The following SEC24D variants were observed in gnomAD, a reference collection of about 807,000 sequenced individuals.
SEC24D encodes the protein SEC24 homolog D, COPII component, also known as protein transport protein Sec24D.
A neutral mutation model predicts 116.9 loss-of-function variants in SEC24D; 69 were observed. That is an observed-to-expected ratio of 0.59 (90% CI 0.49 to 0.72). SEC24D has a LOEUF of 0.72. Ranked by LOEUF, SEC24D falls within the 30% of genes least tolerant of loss-of-function variation. SEC24D has a pLI of 0.00. For missense variants in SEC24D, 1,131 were observed against 1,264.1 expected, an observed-to-expected ratio of 0.89 and a Z score of 1.60; for synonymous variants, 405 against 442.8, an observed-to-expected ratio of 0.91 and a Z score of 1.07.
intron 22 of SEC24D, among the ~76,000 whole-genome samples, chr4:118,728,162 T>C (rs534290676): frequency 6.6e-6 from 1 of 152,314 alleles, no homozygotes; most frequent in East Asian, 1.9e-4. Flanking sequence ...AGGACAAGAA[T>C]AACAAAACTT....
At chr4:118,746,410 C>G (rs1726538680) in intron 13 of SEC24D, among the ~76,000 whole-genome samples, 1 of 152,022 alleles carries the variant, frequency 6.6e-6, no homozygotes, top group Admixed American at 6.6e-5. Context: ...CACTCACAAC[C>G]TTGTTCAGCA....
At chr4:118,750,979 T>C (rs1194251937) in intron 13 of SEC24D, among the ~76,000 whole-genome samples, 17 of 152,068 alleles carry the variant, frequency 1.1e-4, no homozygotes, top group Non-Finnish European at 1.3e-4. Context: ...TAAAATTATG[T>C]GGGAAGTGTC....
chr4:118,823,747 C>G (rs1176239590), intron 3 of SEC24D, among the ~76,000 whole-genome samples: 1 of 152,210 alleles, frequency 6.6e-6, no homozygotes, highest in Non-Finnish European at 1.5e-5. Flanking sequence ...TTCTCCAGGC[C>G]TGCTTCCAAC....
At chr4:118,724,276 A>T (rs1168400954) in intron 22 of SEC24D, among the ~76,000 whole-genome samples, 1 of 152,120 alleles carries the variant, frequency 6.6e-6, no homozygotes, top group Admixed American at 6.5e-5. Context: ...AGAGGTTAAC[A>T]CACAGGGAAA....
intron 8 of SEC24D, among the ~76,000 whole-genome samples, chr4:118,777,498 T>C (rs1001578317): frequency 3.9e-5 from 6 of 152,240 alleles, no homozygotes; most frequent in Admixed American, 1.3e-4. Flanking sequence ...ACTTTCTTAA[T>C]CCAGTCTATC....
At chr4:118,808,331 A>G (rs1324102241) in intron 6 of SEC24D, among the ~76,000 whole-genome samples, 1 of 152,216 alleles carries the variant, frequency 6.6e-6, no homozygotes, top group East Asian at 1.9e-4. Flanking sequence ...TATGAAAGTG[A>G]GGTAAAAGCC....
At chr4:118,746,515 T>C (rs1726544568) in intron 13 of SEC24D, among the ~76,000 whole-genome samples, 1 of 152,044 alleles carries the variant, frequency 6.6e-6, no homozygotes, top group Non-Finnish European at 1.5e-5. Context: ...CAAAGGCCCT[T>C]TGAAGTTGAG....
chr4:118,832,749 A>ACAT lies in SEC24D; in HGVS notation c.118+827_118+829dup, dbSNP rs572051939. Among the ~76,000 whole-genome samples the ACAT allele has an allele frequency of 3.5e-3, 540 of 152,308 alleles. 3 individuals are homozygous for ACAT. The highest frequency in any genetic ancestry group is 0.012 in the African/African-American group (503 of 41,548). On this transcript the variant is annotated intron_variant, in intron 2 of 22. Coordinates refer to ENST00000280551, the MANE Select transcript of SEC24D (RefSeq NM_014822.4). ...AAAGCTTTTAGGGCCAGATTTCGACACATCATAAAAAGGAATAATTTATAA... is the reference window on the plus strand; with the variant it reads ...AAAGCTTTTAGGGCCAGATTTCGACACATCATCATAAAAAGGAATAATTTATAA...
chr4:118,734,328 T>C (rs982452116), intron 19 of SEC24D, among the ~76,000 whole-genome samples: 1 of 151,912 alleles, frequency 6.6e-6, no homozygotes, highest in African/African-American at 2.4e-5. Flanking sequence ...TTCTCCTGCC[T>C]CAGCCTCCTG....
intron 21 of SEC24D, chr4:118,730,410 C>T (rs960738): frequency 0.3 from 45,507 of 152,042 alleles, 7,812 homozygotes; most frequent in Admixed American, 0.42. Flanking sequence ...AAACTGATCA[C>T]CTGTCATGGC....
intron 19 of SEC24D, among the ~76,000 whole-genome samples, chr4:118,737,603 T>A (rs2110437034): frequency 6.6e-6 from 1 of 152,292 alleles, no homozygotes; most frequent in Middle Eastern, 3.4e-3. Flanking sequence ...GATACACAGC[T>A]ATAAAAAATG....
chr4:118,823,570 C>A (rs1278910518), intron 3 of SEC24D, among the ~76,000 whole-genome samples: 1 of 152,196 alleles, frequency 6.6e-6, no homozygotes, highest in Non-Finnish European at 1.5e-5. Flanking sequence ...AACTCCAAAG[C>A]AAACACTGCC....
At chr4:118,765,853 G>C (rs1053997591) in intron 9 of SEC24D, among the ~76,000 whole-genome samples, 3 of 151,320 alleles carry the variant, frequency 2.0e-5, no homozygotes, top group African/African-American at 4.8e-5. Context: ...ACTGAGGCTT[G>C]ATTGTTCTAC....
intron 15 of SEC24D, 75 bp downstream of exon 15, chr4:118,743,913 T>G: frequency 7.3e-7 from 1 of 1,361,566 alleles, no homozygotes; most frequent in Non-Finnish European, 9.9e-7. Flanking sequence ...GAACACAGCT[T>G]TTTAAACCTA....
At chr4:118,747,358 C>T (rs1011005213) in intron 13 of SEC24D, among the ~76,000 whole-genome samples, 2 of 148,200 alleles carry the variant, frequency 1.3e-5, no homozygotes, top group African/African-American at 5.0e-5. Flanking sequence ...CCTCTGCCTC[C>T]TGGGTTCAAG....
chr4:118,832,004 A>G (rs1213552720), intron 2 of SEC24D, among the ~76,000 whole-genome samples: 1 of 152,086 alleles, frequency 6.6e-6, no homozygotes, highest in Non-Finnish European at 1.5e-5. Context: ...GGAGTTCGAG[A>G]CCAACCTGGC....
At chr4:118,751,888 C>T in intron 13 of SEC24D, 108 bp downstream of exon 13, 1 of 783,152 alleles carries the variant, frequency 1.3e-6, no homozygotes, top group Non-Finnish European at 2.1e-6. Flanking sequence ...TCTAGTGACC[C>T]ACGTTTTAAT....
At chr4:118,830,095 A>AT in intron 2 of SEC24D, among the ~76,000 whole-genome samples, 1 of 152,374 alleles carries the variant, frequency 6.6e-6, no homozygotes, top group East Asian at 1.9e-4. Context: ...AGCTGGAGTA[A>AT]TTTAGTGAAA....
Position 118,815,272 on chromosome 4 carries a change from A to G in SEC24D, c.674-117T>C, listed in dbSNP as rs114155681. 0.054 allele frequency: 76,596 copies of G among 1,413,070 alleles called. 2,494 individuals are homozygous for G. Among genetic ancestry groups the G allele is most frequent in the Non-Finnish European group, 0.063 (65,729 of 1,038,548 alleles). The allele number at this position is 1,413,070 out of a possible 1,614,324, so 87.5% of individuals were successfully genotyped here. ...TTGTATTTTTCATCTTATTAAAAAA[A>G]GCAAGGAGTCAAGTATGAGTGTGGT... On this transcript the variant is annotated intron_variant, in intron 5 of 22. Transcript: ENST00000280551.
Sources: gnomAD v4.1 joint callset for allele counts (sites outside exome capture counted in the v4.1 genomes callset) on GRCh38, gnomAD v4.1.1 for gene constraint, MANE v1.5 for transcripts, NCBI Gene and HGNC (gene_info 2026-07-23, HGNC 2026-07-21) for gene names.